The following CSGALNACT1 variants were observed in gnomAD, a reference collection of about 807,000 sequenced individuals.
CSGALNACT1 encodes the protein beta4GalNAcT-1.
A neutral mutation model predicts 51.0 loss-of-function variants in CSGALNACT1; 52 were observed. The observed-to-expected ratio is 1.02, with a 90% confidence interval of 0.82 to 1.29. CSGALNACT1 has a LOEUF of 1.29. Among genes scored for constraint, CSGALNACT1 ranks in the 50% most tolerant of loss-of-function variants. The probability of loss-of-function intolerance (pLI) is 0.00; values close to 1 mark genes in which losing one functional copy is unlikely to be tolerated. For missense variants in CSGALNACT1, 935 were observed against 679.2 expected (o/e 1.38, Z -4.19); for synonymous variants, 341 against 254.4 (o/e 1.34, Z -3.24).
chr8:19,698,068 C>CA (rs1554811570), intron 1 of CSGALNACT1, among the ~76,000 whole-genome samples: 2 of 152,060 alleles, frequency 1.3e-5, no homozygotes, highest in East Asian at 1.9e-4. Flanking sequence ...AGCTCCACTG[C>CA]GGGGGCTGAA....
upstream of CSGALNACT1, among the ~76,000 whole-genome samples, chr8:19,687,461 G>A (rs189142623): frequency 3.4e-3 from 513 of 152,140 alleles, 3 homozygotes; most frequent in African/African-American, 0.011. Context: ...GTACAATGCC[G>A]TACAGATGTG....
At chr8:19,480,654 T>G (rs979121903) in intron 4 of CSGALNACT1, among the ~76,000 whole-genome samples, 2 of 152,196 alleles carry the variant, frequency 1.3e-5, no homozygotes, top group African/African-American at 4.8e-5. Context: ...AAGAGCATAG[T>G]TGCTGACCCA....
intron 1 of CSGALNACT1, among the ~76,000 whole-genome samples, chr8:19,661,850 T>C (rs56167026): frequency 0.019 from 2,890 of 152,274 alleles, 50 homozygotes; most frequent in South Asian, 0.046. Flanking sequence ...TTCACCAGTG[T>C]CTGGGCCTCT....
intron 4 of CSGALNACT1, among the ~76,000 whole-genome samples, chr8:19,474,573 A>G (rs553267596): frequency 3.9e-5 from 6 of 152,146 alleles, no homozygotes; most frequent in Non-Finnish European, 7.3e-5. Flanking sequence ...GGACCCATCA[A>G]TAAGCACCTT....
chr8:19,681,512 A>T (rs1467958859), intron 1 of CSGALNACT1, among the ~76,000 whole-genome samples: 1 of 152,214 alleles, frequency 6.6e-6, no homozygotes, highest in Non-Finnish European at 1.5e-5. Context: ...AGGTCAGAGC[A>T]GATACAAGAC....
At chr8:19,599,688 A>G (rs1226509400) in intron 2 of CSGALNACT1, among the ~76,000 whole-genome samples, 1 of 152,214 alleles carries the variant, frequency 6.6e-6, no homozygotes, top group Admixed American at 6.5e-5. Context: ...TTTCTGCTCT[A>G]AAGTTAAAGC....
intron 5 of CSGALNACT1, chr8:19,457,674 T>A (rs1406529349): frequency 3.1e-6 from 4 of 1,299,386 alleles, no homozygotes; most frequent in Non-Finnish European, 4.0e-6. Flanking sequence ...CAGTAGGATT[T>A]TCTATGTTTA....
chr8:19,561,573 G>A (rs1287089352), intron 3 of CSGALNACT1, among the ~76,000 whole-genome samples: 2 of 152,198 alleles, frequency 1.3e-5, no homozygotes, highest in East Asian at 1.9e-4. Context: ...TGCTAAAGGC[G>A]GCCTTGGCCT....
intron 1 of CSGALNACT1, among the ~76,000 whole-genome samples, chr8:19,656,939 G>C (rs1476431355): frequency 6.6e-6 from 1 of 151,818 alleles, no homozygotes; most frequent in African/African-American, 2.4e-5. Context: ...GGTGGCACAT[G>C]CCTGTAGTCC....
At chr8:19,490,588 C>T (rs2074154036) in intron 4 of CSGALNACT1, among the ~76,000 whole-genome samples, 1 of 152,142 alleles carries the variant, frequency 6.6e-6, no homozygotes. Flanking sequence ...TTCTGCAGAG[C>T]CAACTGATAA....
intron 2 of CSGALNACT1, among the ~76,000 whole-genome samples, chr8:19,593,068 A>C (rs2048169580): frequency 6.6e-6 from 1 of 152,226 alleles, no homozygotes; most frequent in African/African-American, 2.4e-5. Context: ...ATTTTCAGTA[A>C]GTAAAATGTC....
chr8:19,464,147 C>T (rs1379001314), intron 4 of CSGALNACT1, among the ~76,000 whole-genome samples: 1 of 152,194 alleles, frequency 6.6e-6, no homozygotes, highest in African/African-American at 2.4e-5. Flanking sequence ...TCATTCTCAA[C>T]AGTCCCCATT....
chr8:19,447,840 G>C (rs1360050057), intron 5 of CSGALNACT1, among the ~76,000 whole-genome samples: 3 of 152,226 alleles, frequency 2.0e-5, no homozygotes, highest in Non-Finnish European at 4.4e-5. Context: ...GTGAGTCCTA[G>C]AGAGACAAAG....
intron 1 of CSGALNACT1, among the ~76,000 whole-genome samples, chr8:19,656,785 A>G (rs952415022): frequency 2.6e-5 from 4 of 152,252 alleles, no homozygotes; most frequent in African/African-American, 9.6e-5. Flanking sequence ...CAAACCATGT[A>G]GGCCAGATGC....
chr8:19,480,802 T>A (rs774580606), intron 4 of CSGALNACT1, among the ~76,000 whole-genome samples: 5 of 152,176 alleles, frequency 3.3e-5, no homozygotes, highest in Non-Finnish European at 5.9e-5. Context: ...AGCAGTGAGT[T>A]GCCTTTAAGA....
chr8:19,505,597 C>T (rs750967137), exon 4 of CSGALNACT1: 18 of 1,613,928 alleles, frequency 1.1e-5, no homozygotes, highest in South Asian at 8.8e-5. Context: ...TTGAGCTGTG[C>T]GATCTGCCGC....
At chr8:19,487,869 T>C (rs1173590362) in intron 4 of CSGALNACT1, among the ~76,000 whole-genome samples, 4 of 152,028 alleles carry the variant, frequency 2.6e-5, no homozygotes, top group Non-Finnish European at 5.9e-5. Context: ...GCCCAAAGAA[T>C]GAACTGAGAA....
intron 4 of CSGALNACT1, among the ~76,000 whole-genome samples, chr8:19,480,009 G>A (rs1022165953): frequency 2.6e-5 from 4 of 152,168 alleles, no homozygotes; most frequent in Admixed American, 2.0e-4. Flanking sequence ...AACATGGTAA[G>A]CTTATTTTCT....
At chr8:19,577,035 C>T (rs1319306805) in intron 3 of CSGALNACT1, among the ~76,000 whole-genome samples, 1 of 151,900 alleles carries the variant, frequency 6.6e-6, no homozygotes, top group African/African-American at 2.4e-5. Context: ...TGGAAACATC[C>T]AAACCCCCTT....
Sources: gnomAD v4.1 joint callset for allele counts (sites outside exome capture counted in the v4.1 genomes callset) on GRCh38, gnomAD v4.1.1 for gene constraint, MANE v1.5 for transcripts, NCBI Gene and HGNC (gene_info 2026-07-23, HGNC 2026-07-21) for gene names.